Variants in TRPS1 observed in about 807,000 individuals in gnomAD.
The protein encoded by TRPS1 is transcriptional repressor GATA binding 1, also known as zinc finger transcription factor Trps1.
Under a neutral mutation model 101.2 loss-of-function variants are expected in TRPS1, and 6 were observed. That is an observed-to-expected ratio of 0.06 (90% CI 0.03 to 0.12). The LOEUF (loss-of-function observed/expected upper bound fraction) is 0.12, where lower values mean the gene tolerates loss of function less well. TRPS1 is among the 10% of genes least tolerant of loss of function. TRPS1 has a pLI of 1.00. For missense variants in TRPS1, 1,363 were observed against 1,567.0 expected (o/e 0.87, Z 2.20); for synonymous variants, 578 against 589.8 (o/e 0.98, Z 0.29).
In TRPS1 at chr8:115,450,046, G is replaced by C. The variant is rs143655230; in HGVS notation, c.2701-31594C>G. On this transcript the variant is annotated intron_variant, in intron 5 of 6. Coordinates refer to ENST00000395715, the MANE Select transcript of TRPS1 (RefSeq NM_014112.5). ...GAGGAAAAAAGTGAGGGAATTTCTT[G>C]CATAAACAAATTAGAGTATATAGGA... Among the ~76,000 whole-genome samples, 997 of 151,652 alleles carry C rather than the reference G, an allele frequency of 6.6e-3. 4 individuals are homozygous for C. The highest frequency in any genetic ancestry group is 0.011 in the Non-Finnish European group (716 of 67,948).
At chr8:115,431,637 C>CATAAAGGA (rs1259162414) in intron 5 of TRPS1, among the ~76,000 whole-genome samples, 1 of 151,922 alleles carries the variant, frequency 6.6e-6, no homozygotes, top group Non-Finnish European at 1.5e-5. Flanking sequence ...CTTTCTAGAA[C>CATAAAGGA]ATAAAGGAAC....
intron 5 of TRPS1, among the ~76,000 whole-genome samples, chr8:115,474,443 A>T (rs1814548864): frequency 6.6e-6 from 1 of 152,140 alleles, no homozygotes; most frequent in African/African-American, 2.4e-5. Context: ...GAGAAAAAAA[A>T]TTCACAGCAC....
At chr8:115,617,194 T>C (rs572496911) in intron 3 of TRPS1, among the ~76,000 whole-genome samples, 14 of 152,220 alleles carry the variant, frequency 9.2e-5, no homozygotes, top group Non-Finnish European at 7.4e-5. Flanking sequence ...TTATTTATCT[T>C]GGAAAAAAAT....
At chr8:115,662,368 T>G (rs560168642) in intron 1 of TRPS1, among the ~76,000 whole-genome samples, 2 of 152,056 alleles carry the variant, frequency 1.3e-5, no homozygotes, top group East Asian at 3.9e-4. Context: ...CAGGAAGAAT[T>G]TGGGTTAAAA....
intron 5 of TRPS1, among the ~76,000 whole-genome samples, chr8:115,487,775 G>A (rs533849059): frequency 3.3e-5 from 5 of 152,302 alleles, no homozygotes; most frequent in Middle Eastern, 3.4e-3. Flanking sequence ...ATAAGGAGTT[G>A]CTTCTTATGG....
At chr8:115,459,403 CTA>C (rs1814110840) in intron 5 of TRPS1, among the ~76,000 whole-genome samples, 3 of 152,214 alleles carry the variant, frequency 2.0e-5, no homozygotes, top group Non-Finnish European at 4.4e-5. Flanking sequence ...TTGCAGTGCA[CTA>C]TCTTACATTT....
At chr8:115,470,041 G>A (rs1371237883) in intron 5 of TRPS1, among the ~76,000 whole-genome samples, 1 of 152,192 alleles carries the variant, frequency 6.6e-6, no homozygotes, top group Non-Finnish European at 1.5e-5. Context: ...AACAAGGACA[G>A]GGTTTTAAAG....
intron 5 of TRPS1, among the ~76,000 whole-genome samples, chr8:115,444,208 C>A (rs1382040489): frequency 6.6e-6 from 1 of 151,998 alleles, no homozygotes; most frequent in Non-Finnish European, 1.5e-5. Flanking sequence ...TGTCTGGTGT[C>A]CAACATGGTA....
chr8:115,505,208 A>G (rs548160533), intron 5 of TRPS1, among the ~76,000 whole-genome samples: 1 of 152,302 alleles, frequency 6.6e-6, no homozygotes, highest in East Asian at 1.9e-4. Context: ...ACAAAGAAGT[A>G]GCTTGTGAAA....
chr8:115,644,912 C>G (rs1224208107), intron 1 of TRPS1, among the ~76,000 whole-genome samples: 1 of 152,128 alleles, frequency 6.6e-6, no homozygotes, highest in Admixed American at 6.5e-5. Flanking sequence ...AAAACAAACA[C>G]ATTTATCAAT....
At chr8:115,593,245 A>AT (rs1234496524) in intron 4 of TRPS1, among the ~76,000 whole-genome samples, 1 of 152,128 alleles carries the variant, frequency 6.6e-6, no homozygotes. Flanking sequence ...ATCCCAATTC[A>AT]TTTTTTCTTT....
intron 4 of TRPS1, among the ~76,000 whole-genome samples, chr8:115,601,440 C>T (rs1817905239): frequency 6.6e-6 from 1 of 152,104 alleles, no homozygotes; most frequent in African/African-American, 2.4e-5. Context: ...AGCTTTCAGT[C>T]GAGTTTCTTT....
chr8:115,536,787 G>GT (rs200319237), intron 5 of TRPS1, among the ~76,000 whole-genome samples: 2,533 of 143,632 alleles, frequency 0.018, 89 homozygotes, highest in East Asian at 0.14. Context: ...TATAGCTGAA[G>GT]TTTTTTTTTT....
chr8:115,457,004 G>C (rs1814043572), intron 5 of TRPS1, among the ~76,000 whole-genome samples: 1 of 152,146 alleles, frequency 6.6e-6, no homozygotes, highest in African/African-American at 2.4e-5. Context: ...GCTAAGGACA[G>C]GGCAGGGAAC....
chr8:115,577,329 C>A (rs1223035195), intron 5 of TRPS1, among the ~76,000 whole-genome samples: 2 of 152,082 alleles, frequency 1.3e-5, no homozygotes, highest in African/African-American at 4.8e-5. Flanking sequence ...TCATAAATAA[C>A]ATCATACATC....
intron 1 of TRPS1, 24 bp downstream of exon 1, chr8:115,668,521 C>T (rs1358223923): frequency 6.9e-6 from 1 of 145,956 alleles, no homozygotes; most frequent in Non-Finnish European, 1.5e-5. Flanking sequence ...GGCCCCGCGG[C>T]CCGCTCGGGC....
chr8:115,556,258 T>C (rs1384018739), intron 5 of TRPS1, among the ~76,000 whole-genome samples: 3 of 152,190 alleles, frequency 2.0e-5, no homozygotes, highest in East Asian at 1.9e-4. Flanking sequence ...CAAAACTATT[T>C]TTTTTAACAG....
chr8:115,596,814 CAT>C (rs1817797800), intron 4 of TRPS1, among the ~76,000 whole-genome samples: 1 of 151,902 alleles, frequency 6.6e-6, no homozygotes, highest in East Asian at 1.9e-4. Context: ...ATATGATATT[CAT>C]ATGTATATCA....
chr8:115,418,251 G>T lies in TRPS1; in HGVS notation c.2823+79C>A. On this transcript the variant is annotated intron_variant, in intron 6 of 6. Coordinates refer to ENST00000395715, the MANE Select transcript of TRPS1 (RefSeq NM_014112.5). This position sits in a 1 kb window ranked among gnomAD's most constrained non-coding sequence, Gnocchi z 4.3. ...GCGGGGGCAGGCACTGCAAGCCAGG[G>T]AATGGGACTTATCACACCACAGACC... 1.2e-6 allele frequency: 2 copies of T among 1,612,032 alleles called. No homozygotes were observed. The highest frequency in any genetic ancestry group is 1.7e-4 in the Middle Eastern group (1 of 5,878).
Sources: allele counts gnomAD v4.1 joint callset (sites outside exome capture counted in the v4.1 genomes callset), GRCh38; gene constraint gnomAD v4.1.1; non-coding constraint Gnocchi (gnomAD v3.1); transcripts MANE v1.5; gene names NCBI Gene and HGNC (gene_info 2026-07-23, HGNC 2026-07-21).